ABTB2: variants seen among roughly 807,000 people sequenced by gnomAD.
The protein encoded by ABTB2 is ankyrin repeat and BTB/POZ domain-containing protein 2.
ABTB2 carries 56 observed loss-of-function variants against 104.1 expected under a neutral mutation model. That is an observed-to-expected ratio of 0.54 (90% CI 0.43 to 0.67). The LOEUF (loss-of-function observed/expected upper bound fraction) is 0.67, where lower values mean the gene tolerates loss of function less well. Among genes scored for constraint, ABTB2 ranks in the 30% least tolerant of loss-of-function variants. The pLI is 0.00. For synonymous variants in ABTB2, 606 were observed against 608.2 expected, an observed-to-expected ratio of 1.00 and a Z score of 0.05; for missense variants, 1,279 against 1,407.7, an observed-to-expected ratio of 0.91 and a Z score of 1.46.
intron 1 of ABTB2, among the ~76,000 whole-genome samples, chr11:34,211,621 T>C (rs913520618): frequency 6.6e-6 from 1 of 151,892 alleles, no homozygotes; most frequent in Non-Finnish European, 1.5e-5. Flanking sequence ...AAGCCAGGCG[T>C]GGTGGCTCAC....
At chr11:34,218,941 G>A (rs1853582027) in intron 1 of ABTB2, among the ~76,000 whole-genome samples, 1 of 150,890 alleles carries the variant, frequency 6.6e-6, no homozygotes, top group South Asian at 2.1e-4. Flanking sequence ...GCCTATTTCT[G>A]GGCTCTCTAT....
chr11:34,184,928 C>A (rs1222622594), intron 3 of ABTB2, among the ~76,000 whole-genome samples: 1 of 152,246 alleles, frequency 6.6e-6, no homozygotes, highest in Non-Finnish European at 1.5e-5. Context: ...GGACCTCCAA[C>A]CTGCTCAAAC....
chr11:34,187,208 G>A (rs1034188272), intron 3 of ABTB2, among the ~76,000 whole-genome samples: 2 of 152,196 alleles, frequency 1.3e-5, no homozygotes, highest in South Asian at 2.1e-4. Flanking sequence ...TCCAGCCCAC[G>A]TAAAGATAGA....
At chr11:34,195,504 CAAT>C (rs900957861) in intron 3 of ABTB2, among the ~76,000 whole-genome samples, 2 of 152,202 alleles carry the variant, frequency 1.3e-5, no homozygotes, top group South Asian at 2.1e-4. Context: ...AGAAGTAAAA[CAAT>C]GATGACATAA....
At chr11:34,338,007 A>T (rs1316786469) in intron 1 of ABTB2, among the ~76,000 whole-genome samples, 1 of 151,992 alleles carries the variant, frequency 6.6e-6, no homozygotes, top group Non-Finnish European at 1.5e-5. Flanking sequence ...GGAGCGCAGA[A>T]TAAAATCCAC....
intron 1 of ABTB2, among the ~76,000 whole-genome samples, chr11:34,348,900 C>T (rs1470635020): frequency 6.6e-6 from 1 of 152,184 alleles, no homozygotes; most frequent in Admixed American, 6.5e-5. Context: ...ATTCTAAACA[C>T]TTCTAAACTC....
At chr11:34,175,322 C>T (rs550637133) in intron 3 of ABTB2, among the ~76,000 whole-genome samples, 1 of 152,318 alleles carries the variant, frequency 6.6e-6, no homozygotes, top group African/African-American at 2.4e-5. Context: ...TAAGCGAAAA[C>T]GCATTGAATA....
intron 14 of ABTB2, among the ~76,000 whole-genome samples, chr11:34,156,912 CTTTA>C (rs1365063732): frequency 6.6e-6 from 1 of 152,150 alleles, no homozygotes; most frequent in Non-Finnish European, 1.5e-5. Flanking sequence ...TTCACCTGCT[CTTTA>C]TTTTTTATGT....
intron 1 of ABTB2, among the ~76,000 whole-genome samples, chr11:34,291,684 C>T (rs1283523016): frequency 1.3e-5 from 2 of 152,062 alleles, no homozygotes; most frequent in South Asian, 2.1e-4. Flanking sequence ...TTAGTAGAGT[C>T]GGGGTTTCAC....
rs60681759 is a variant in ABTB2, at chr11:34,246,601, C to CAA, written c.884-41913_884-41912dup. Among the ~76,000 whole-genome samples the CAA allele has an allele frequency of 4.5e-3, 158 of 34,770 alleles. 33 individuals carry two copies. Among genetic ancestry groups the CAA allele is most frequent in the African/African-American group, 0.011 (87 of 8,044 alleles). The allele number at this position is 34,770 out of a possible 152,430, so 22.8% of individuals were successfully genotyped here. ...GGGCAATAAGAGTGAAACTCCATCT[C>CAA]AAAAAAAAAAAAAAAAAAAAAAAAA... On this transcript the variant is annotated intron_variant, in intron 1 of 16. Transcript: ENST00000435224.
chr11:34,161,579 C>T (rs191510460), intron 10 of ABTB2, among the ~76,000 whole-genome samples: 8 of 152,300 alleles, frequency 5.3e-5, no homozygotes, highest in South Asian at 2.1e-4. Flanking sequence ...AAGCTTGAAA[C>T]GAACCCGGTC....
chr11:34,213,816 T>TGGGG (rs1853515740), intron 1 of ABTB2, among the ~76,000 whole-genome samples: 1 of 152,288 alleles, frequency 6.6e-6, no homozygotes, highest in South Asian at 2.1e-4. Context: ...AGTGCAATAG[T>TGGGG]CACAACATTG....
chr11:34,249,196 G>A (rs1382514430), intron 1 of ABTB2, among the ~76,000 whole-genome samples: 1 of 152,208 alleles, frequency 6.6e-6, no homozygotes, highest in African/African-American at 2.4e-5. Flanking sequence ...TTGCACCCTC[G>A]TGAATGCGCA....
chr11:34,321,255 C>T (rs1240720476), intron 1 of ABTB2, among the ~76,000 whole-genome samples: 9 of 152,108 alleles, frequency 5.9e-5, no homozygotes, highest in Non-Finnish European at 1.3e-4. Context: ...TGAACAGCTG[C>T]GTATTTCTTA....
At chr11:34,303,303 AT>A (rs1854729857) in intron 1 of ABTB2, among the ~76,000 whole-genome samples, 1 of 152,230 alleles carries the variant, frequency 6.6e-6, no homozygotes, top group Admixed American at 6.5e-5. Context: ...GGACCACTCC[AT>A]CGCACAGCCT....
rs1395146188 is a variant in ABTB2, at chr11:34,173,318, G to A, written c.1245-11C>T. ...AGCAGCATGAAGGGCCTGTGGGGCAGCAGAGAGAGGGTCAGGCCTGGGGTG... is the reference window on the plus strand; with the variant it reads ...AGCAGCATGAAGGGCCTGTGGGGCAACAGAGAGAGGGTCAGGCCTGGGGTG... On this transcript the variant is annotated splice_polypyrimidine_tract_variant and intron_variant, in intron 3 of 16. Coordinates refer to ENST00000435224, the MANE Select transcript of ABTB2 (RefSeq NM_145804.3). 1.3e-6 allele frequency: 2 copies of A among 1,580,344 alleles called. No homozygotes were observed. Among genetic ancestry groups the A allele is most frequent in the Non-Finnish European group, 1.7e-6 (2 of 1,162,270 alleles).
intron 5 of ABTB2, among the ~76,000 whole-genome samples, chr11:34,169,562 A>G (rs1852841556): frequency 3.3e-5 from 5 of 152,188 alleles, no homozygotes; most frequent in East Asian, 1.9e-4. Flanking sequence ...ATCTGAAGCT[A>G]AAGTCCACGG....
At position 34,168,270 on chromosome 11, in the gene ABTB2, G is replaced by A. The variant is rs904618923; in HGVS notation, c.1564-278C>T. On this transcript the variant is annotated intron_variant, in intron 5 of 16. Coordinates refer to ENST00000435224, the MANE Select transcript of ABTB2 (RefSeq NM_145804.3). ...AAGGTCTCCTCTGCCATGGGGAGCTGTAAACTTTATACATGTCATTTGCCC... is the reference window on the plus strand; with the variant it reads ...AAGGTCTCCTCTGCCATGGGGAGCTATAAACTTTATACATGTCATTTGCCC... Among the ~76,000 whole-genome samples the A allele has an allele frequency of 5.3e-5, 8 of 152,338 alleles. No individual in the cohort carries two copies. The South Asian group carries it at 6.2e-4, about 12-fold the overall frequency.
chr11:34,278,148 T>C (rs1854407566), intron 1 of ABTB2, among the ~76,000 whole-genome samples: 1 of 151,848 alleles, frequency 6.6e-6, no homozygotes, highest in South Asian at 2.1e-4. Context: ...TTATAAACTT[T>C]TGCAATCTAC....
Sources: allele counts gnomAD v4.1 joint callset (sites outside exome capture counted in the v4.1 genomes callset), GRCh38; gene constraint gnomAD v4.1.1; transcripts MANE v1.5; gene names NCBI Gene and HGNC (gene_info 2026-07-23, HGNC 2026-07-21).